Variants in ATP2C2 observed in about 807,000 individuals in gnomAD.
ATP2C2 encodes the protein ATPase secretory pathway Ca2+ transporting 2.
In ATP2C2, 171 loss-of-function variants were observed where a neutral mutation model predicts 110.8. The observed-to-expected ratio is 1.54, with a 90% CI of 1.36 to 1.75. The LOEUF (loss-of-function observed/expected upper bound fraction) is 1.75, where lower values mean the gene tolerates loss of function less well. ATP2C2 is among the 40% of genes most tolerant of loss of function. ATP2C2 has a pLI of 0.00. For synonymous variants in ATP2C2, 804 were observed against 508.4 expected, an observed-to-expected ratio of 1.58 and a Z score of -7.82; for missense variants, 1,963 against 1,235.0, an observed-to-expected ratio of 1.59 and a Z score of -8.84.
At chr16:84,368,992 G>C (rs1225102004) in intron 1 of ATP2C2, among the ~76,000 whole-genome samples, 1 of 152,256 alleles carries the variant, frequency 6.6e-6, no homozygotes. Context: ...GAGCTAGGAA[G>C]TGACCTGGCT....
chr16:84,386,914 G>C (rs1485694984), intron 1 of ATP2C2, among the ~76,000 whole-genome samples: 1 of 133,406 alleles, frequency 7.5e-6, no homozygotes, highest in African/African-American at 2.8e-5. Context: ...TTGTTTGTTT[G>C]TTTGTTTGTT....
intron 26 of ATP2C2, 90 bp from the exon 27 acceptor site, chr16:84,463,518 CTCACTT>C: frequency 9.7e-7 from 1 of 1,035,566 alleles, no homozygotes; most frequent in Non-Finnish European, 1.5e-6. Context: ...CTCCGCACCT[CTCACTT>C]TATCAGGAGG....
intron 1 of ATP2C2, among the ~76,000 whole-genome samples, chr16:84,394,681 C>T (rs1049117550): frequency 6.6e-6 from 1 of 152,142 alleles, no homozygotes; most frequent in Admixed American, 6.5e-5. Context: ...TCTCTTCAAG[C>T]TTCCATCATG....
intron 1 of ATP2C2, among the ~76,000 whole-genome samples, chr16:84,386,309 CTCTG>C (rs1253468661): frequency 6.6e-6 from 1 of 152,194 alleles, no homozygotes; most frequent in African/African-American, 2.4e-5. Context: ...ATCTGTCTCT[CTCTG>C]TATCTCCATA....
intron 1 of ATP2C2, among the ~76,000 whole-genome samples, chr16:84,389,989 C>T (rs1904555536): frequency 6.6e-6 from 1 of 152,174 alleles, no homozygotes; most frequent in South Asian, 2.1e-4. Flanking sequence ...TCCCAAAGTG[C>T]TGGGATTACA....
intron 1 of ATP2C2, among the ~76,000 whole-genome samples, chr16:84,391,554 G>C (rs1299019161): frequency 6.6e-6 from 1 of 152,246 alleles, no homozygotes; most frequent in East Asian, 1.9e-4. Flanking sequence ...AGCAGACAGA[G>C]ACGCTTGGGA....
intron 1 of ATP2C2, among the ~76,000 whole-genome samples, chr16:84,397,721 G>A (rs1055644136): frequency 6.8e-6 from 1 of 146,420 alleles, no homozygotes; most frequent in East Asian, 2.0e-4. Flanking sequence ...CTAACAACTG[G>A]AACCCAGATA....
At chr16:84,405,891 G>T (rs1324019545) in intron 3 of ATP2C2, among the ~76,000 whole-genome samples, 1 of 152,202 alleles carries the variant, frequency 6.6e-6, no homozygotes, top group African/African-American at 2.4e-5. Flanking sequence ...CTGTGCTCCA[G>T]CCTGGACAAC....
intron 1 of ATP2C2, among the ~76,000 whole-genome samples, chr16:84,377,698 G>A (rs1440098064): frequency 6.6e-6 from 1 of 152,116 alleles, no homozygotes; most frequent in Admixed American, 6.5e-5. Flanking sequence ...CTGAGGATAT[G>A]GGGTGTGGGG....
intron 13 of ATP2C2, 85 bp downstream of exon 13, chr16:84,439,609 G>T: frequency 7.9e-7 from 1 of 1,264,202 alleles, no homozygotes; most frequent in South Asian, 1.2e-5. Flanking sequence ...ATGTCTTCTA[G>T]AACACAATAA....
chr16:84,369,888 TC>T (rs1246173582), intron 1 of ATP2C2, among the ~76,000 whole-genome samples: 1 of 152,252 alleles, frequency 6.6e-6, no homozygotes, highest in Non-Finnish European at 1.5e-5. Flanking sequence ...TCTCGATTTT[TC>T]TGAAGTGGCA....
chr16:84,460,394 C>G, intron 23 of ATP2C2: 1 of 548,718 alleles, frequency 1.8e-6, no homozygotes, highest in South Asian at 2.0e-5. Context: ...GTGTATGGAA[C>G]TGTGTGTGGT....
In ATP2C2 at chr16:84,406,694, A is replaced by G. The variant is rs189558179; in HGVS notation, c.327+1450A>G. Reference sequence around the variant, plus strand: ...TAGCCCAGAAGCTTCCTAAAACTGCAGGGCTGAGAAGAGGCAGTGGAGGCT... The same window carrying G: ...TAGCCCAGAAGCTTCCTAAAACTGCGGGGCTGAGAAGAGGCAGTGGAGGCT... On this transcript the variant is annotated intron_variant, in intron 3 of 26. Coordinates refer to ENST00000262429, the MANE Select transcript of ATP2C2 (RefSeq NM_014861.4). The G allele has an allele frequency of 4.1e-4, 402 of 969,040 alleles. No homozygotes were observed. In the African/African-American group the frequency reaches 6.5e-3, roughly 16 times the overall value. 60.0% of individuals were successfully genotyped at this position (969,040 alleles called of 1,614,324 possible).
rs566746736 is a variant in ATP2C2, at chr16:84,449,254, G to C, written c.1660+565G>C. Among the ~76,000 whole-genome samples, 25 of 152,336 alleles carry C rather than the reference G, an allele frequency of 1.6e-4. No individual in the cohort carries two copies. The South Asian group carries it at 4.8e-3, about 29-fold the overall frequency. ...TTGGCCTTACTGGCTCAGGAGCCTT[G>C]GTTTTCCCCTTCGGGGAACAGAGTT... On this transcript the variant is annotated intron_variant, in intron 17 of 26. Transcript: ENST00000262429.
intron 16 of ATP2C2, among the ~76,000 whole-genome samples, 165 bp downstream of exon 16, chr16:84,446,595 G>A (rs1909775455): frequency 6.6e-6 from 1 of 152,114 alleles, no homozygotes; most frequent in South Asian, 2.1e-4. Flanking sequence ...TGATTCTCTT[G>A]GGTCTGCTTC....
chr16:84,375,168 A>G (rs1331043837), intron 1 of ATP2C2, among the ~76,000 whole-genome samples: 1 of 152,252 alleles, frequency 6.6e-6, no homozygotes, highest in Non-Finnish European at 1.5e-5. Context: ...CAGAATTCTC[A>G]CAGACACTGA....
At position 84,463,776 on chromosome 16, in the gene ATP2C2, TTG is replaced by T. The variant is rs1911644186; in HGVS notation, c.*47_*48del. On this transcript the variant is annotated 3_prime_UTR_variant, in exon 27 of 27. Transcript: ENST00000262429. ...ACCTTCCCTAATCATCTCGATCTGGTTGTGACTGTGGCCCCTGCCGTGTCTCC... is the reference window on the plus strand; with the variant it reads ...ACCTTCCCTAATCATCTCGATCTGGTTGACTGTGGCCCCTGCCGTGTCTCC... The T allele has an allele frequency of 6.5e-7, 1 of 1,530,460 alleles. No homozygotes were observed. The highest frequency in any genetic ancestry group is 9.1e-7 in the Non-Finnish European group (1 of 1,104,358). The allele number at this position is 1,530,460 out of a possible 1,614,324, so 94.8% of individuals were successfully genotyped here.
Position 84,463,618 on chromosome 16 carries a change from G to A in ATP2C2, c.2727G>A (p.Leu909=), listed in dbSNP as rs746831546. 63 of 1,613,086 alleles carry A rather than the reference G, an allele frequency of 3.9e-5. No homozygotes were observed. Among genetic ancestry groups the A allele is most frequent in the Admixed American group, 8.3e-5 (5 of 59,994 alleles). ...TTCTGTTTTCTCCCTTGGCAGATTT[G>A]CTGTTTTTAACTGGATTGGCCTCAT... ...FQTENLGALD[L]LFLTGLASSV... is the part of the protein sequence containing the mutation. The change falls in exon 27 of 27, where the codon TTG becomes TTA. Residue 909 remains leucine, a synonymous_variant. Transcript: ENST00000262429.
intron 3 of ATP2C2, among the ~76,000 whole-genome samples, chr16:84,407,828 G>A (rs139558563): frequency 2.0e-5 from 3 of 152,180 alleles, no homozygotes; most frequent in East Asian, 1.9e-4. Context: ...TTCTGAATCC[G>A]GTTTTATGTG....
Sources: gnomAD v4.1 joint callset for allele counts (sites outside exome capture counted in the v4.1 genomes callset) on GRCh38, gnomAD v4.1.1 for gene constraint, MANE v1.5 for transcripts, NCBI Gene and HGNC (gene_info 2026-07-23, HGNC 2026-07-21) for gene names.